PEPD: variants seen among roughly 807,000 people sequenced by gnomAD.
PEPD encodes the protein xaa-Pro dipeptidase.
Under a neutral mutation model 60.7 loss-of-function variants are expected in PEPD, and 53 were observed. That is an observed-to-expected ratio of 0.87 (90% CI 0.70 to 1.10). PEPD has a LOEUF of 1.10. Ranked by LOEUF, PEPD falls within the 50% of genes least tolerant of loss-of-function variation. The pLI is 0.00. For missense variants in PEPD, 711 were observed against 711.9 expected (o/e 1.00, Z 0.01); for synonymous variants, 267 against 284.1 (o/e 0.94, Z 0.60).
chr19:33,463,759 C>A (rs983383264), intron 8 of PEPD, among the ~76,000 whole-genome samples: 1 of 152,252 alleles, frequency 6.6e-6, no homozygotes, highest in Non-Finnish European at 1.5e-5. Context: ...TCCACGACTG[C>A]ATGATGGGCA....
At chr19:33,499,641 G>A (rs1568504054) in intron 4 of PEPD, among the ~76,000 whole-genome samples, 1 of 152,218 alleles carries the variant, frequency 6.6e-6, no homozygotes, top group Non-Finnish European at 1.5e-5. Flanking sequence ...TGGTCCTGAG[G>A]GCTCAGGGAA....
At chr19:33,392,291 G>C (rs10775579) in intron 12 of PEPD, among the ~76,000 whole-genome samples, 83,993 of 152,152 alleles carry the variant, frequency 0.55, 24,028 homozygotes, top group African/African-American at 0.7. Context: ...GAGCATGGCC[G>C]CTAGGAAGGA....
intron 7 of PEPD, among the ~76,000 whole-genome samples, chr19:33,467,679 C>T (rs1002947298): frequency 4.6e-5 from 7 of 152,078 alleles, no homozygotes; most frequent in Non-Finnish European, 1.0e-4. Context: ...AGAAATGGCC[C>T]AAAGAATTCG....
chr19:33,435,699 C>T lies in PEPD; in HGVS notation c.672-22056G>A, dbSNP rs546121556. On this transcript the variant is annotated intron_variant, in intron 9 of 14. Coordinates refer to ENST00000244137, the MANE Select transcript of PEPD (RefSeq NM_000285.4). ...CCTCTGGGCACTGTGTGAGAATCTG[C>T]TGATGCTCGTATGGCCGTTAGTTCT... 3.3e-5 allele frequency among the ~76,000 whole-genome samples: 5 copies of T among 152,366 alleles called. No individual in the cohort carries two copies. The South Asian group carries it at 1.0e-3, about 32-fold the overall frequency.
chr19:33,486,782 C>T (rs908431558), intron 6 of PEPD: 9 of 129,200 alleles, frequency 7.0e-5, no homozygotes, highest in Non-Finnish European at 1.5e-4. Flanking sequence ...GGACCAGGGT[C>T]CCAAGGGTAT....
intron 9 of PEPD, among the ~76,000 whole-genome samples, chr19:33,439,946 G>A (rs1005104863): frequency 7.2e-5 from 11 of 152,086 alleles, no homozygotes; most frequent in Admixed American, 3.3e-4. Context: ...TCGAACCCCC[G>A]GCCTCAAGTG....
intron 6 of PEPD, among the ~76,000 whole-genome samples, chr19:33,484,053 G>T (rs919183186): frequency 4.6e-5 from 7 of 152,164 alleles, no homozygotes; most frequent in Admixed American, 1.3e-4. Flanking sequence ...AGAGAAGGGG[G>T]TAACAGCAGA....
chr19:33,501,001 C>T lies in PEPD; in HGVS notation c.330G>A (p.Lys110=). Residue 110 remains lysine, a splice_region_variant and synonymous_variant, in exon 4 of 15, where the codon AAG becomes AAA. Transcript: ENST00000244137. ...CCTTGAAGTGCTCCTTGGAATGGAT[C>T]CTCAAAGAAAAGCACAAGGAATATC... ...LPASHATWMG[K]IHSKEHFKEK... The T allele has an allele frequency of 6.3e-7, 1 of 1,586,934 alleles. No individual in the cohort carries two copies. Among genetic ancestry groups the T allele is most frequent in the Non-Finnish European group, 8.7e-7 (1 of 1,155,272 alleles).
chr19:33,448,757 C>T (rs1969640115), intron 9 of PEPD, among the ~76,000 whole-genome samples: 2 of 152,130 alleles, frequency 1.3e-5, no homozygotes, highest in Non-Finnish European at 2.9e-5. Flanking sequence ...GCAAGCACCA[C>T]GCTGCTGCTC....
At chr19:33,468,553 C>G (rs1970062141) in intron 7 of PEPD, among the ~76,000 whole-genome samples, 2 of 152,238 alleles carry the variant, frequency 1.3e-5, no homozygotes, top group South Asian at 4.1e-4. Flanking sequence ...GTGGCTCCCC[C>G]ACTCCCATCA....
chr19:33,444,186 G>A (rs912437202), intron 9 of PEPD, among the ~76,000 whole-genome samples: 10 of 152,272 alleles, frequency 6.6e-5, no homozygotes, highest in Middle Eastern at 3.4e-3. Context: ...GGCAGGCAGG[G>A]AGAGGGGTGC....
rs145818399 is a variant in PEPD at position 33,445,733 on chromosome 19, G to A, written c.671+17262C>T. Among the ~76,000 whole-genome samples, 23 of 152,308 alleles carry A rather than the reference G, an allele frequency of 1.5e-4. No homozygotes were observed. In the East Asian group the frequency reaches 4.2e-3, roughly 28 times the overall value. ...CACAGGCACCTTCAGGCCAGAGGGT[G>A]GAAGAAAGGACCCCAGATCCACCAG... On this transcript the variant is annotated intron_variant, in intron 9 of 14. Coordinates refer to ENST00000244137, the MANE Select transcript of PEPD (RefSeq NM_000285.4).
chr19:33,401,671 GC>G (rs762622405), intron 12 of PEPD, 49 bp downstream of exon 12: 3 of 1,555,714 alleles, frequency 1.9e-6, no homozygotes, highest in South Asian at 2.3e-5. Context: ...ACATAGCAGC[GC>G]CCCCAACGCC....
chr19:33,490,105 C>T (rs957719057), intron 5 of PEPD, 48 bp from the exon 6 acceptor site: 59 of 1,350,236 alleles, frequency 4.4e-5, no homozygotes, highest in Non-Finnish European at 5.0e-5. Context: ...CATGGCGCCC[C>T]CACAGCCTGC....
intron 9 of PEPD, among the ~76,000 whole-genome samples, chr19:33,432,070 A>G (rs1418875156): frequency 6.6e-6 from 1 of 151,588 alleles, no homozygotes; most frequent in Non-Finnish European, 1.5e-5. Flanking sequence ...GAAGCTAAGA[A>G]GTCTTCCCAG....
chr19:33,423,235 ATAC>A (rs1969070746), intron 9 of PEPD, among the ~76,000 whole-genome samples: 1 of 152,244 alleles, frequency 6.6e-6, no homozygotes, highest in Non-Finnish European at 1.5e-5. Context: ...AGTCTTTGGT[ATAC>A]CTCTGTTGAG....
At chr19:33,462,146 C>G (rs1969937833) in intron 9 of PEPD, among the ~76,000 whole-genome samples, 1 of 152,244 alleles carries the variant, frequency 6.6e-6, no homozygotes, top group Non-Finnish European at 1.5e-5. Context: ...AGGGCCGGGG[C>G]TCTGAACAGA....
chr19:33,437,417 AG>A (rs1009869581), intron 9 of PEPD, among the ~76,000 whole-genome samples: 3 of 151,588 alleles, frequency 2.0e-5, no homozygotes, highest in East Asian at 1.9e-4. Context: ...CACGAGATGC[AG>A]GGGTTCAGAT....
chr19:33,468,736 G>A (rs1600140616), intron 7 of PEPD, among the ~76,000 whole-genome samples: 2 of 152,284 alleles, frequency 1.3e-5, no homozygotes, highest in Non-Finnish European at 1.5e-5. Context: ...ACCTTCTGGG[G>A]AATGTGGAAA....
Sources: allele counts gnomAD v4.1 joint callset (sites outside exome capture counted in the v4.1 genomes callset), GRCh38; gene constraint gnomAD v4.1.1; transcripts MANE v1.5; gene names NCBI Gene and HGNC (gene_info 2026-07-23, HGNC 2026-07-21).